Variants in OTUD5 observed in about 807,000 individuals in gnomAD.
OTUD5 encodes OTU domain-containing protein 5.
A neutral mutation model predicts 36.3 loss-of-function variants in OTUD5; 2 were observed. That is an observed-to-expected ratio of 0.06 (90% CI 0.02 to 0.17). OTUD5 has a LOEUF of 0.17. Ranked by LOEUF, OTUD5 falls within the 10% of genes least tolerant of loss-of-function variation. OTUD5 has a pLI of 1.00. For synonymous variants in OTUD5, 234 were observed against 214.9 expected (o/e 1.09, Z -0.78); for missense variants, 233 against 512.3 (o/e 0.45, Z 5.26).
rs2063987727 is a variant in OTUD5 at position 48,944,459 on chromosome X, T to C, written c.595-176A>G. 2.7e-5 allele frequency among the ~76,000 whole-genome samples: 3 copies of C among 111,477 alleles called. No individual in the cohort carries two copies. The South Asian group carries it at 1.1e-3, about 42-fold the overall frequency. On this transcript the variant is annotated intron_variant, in intron 1 of 8. Coordinates refer to ENST00000376488, the MANE Select transcript of OTUD5 (RefSeq NM_001136157.2). Reference sequence around the variant, plus strand: ...TGAAGTAGGAGACTCTTTTAGGGAATTAGTTGCTGAGTGAAACTAAGACTT... The same window carrying C: ...TGAAGTAGGAGACTCTTTTAGGGAACTAGTTGCTGAGTGAAACTAAGACTT...
chrX:48,933,382 C>T (rs782290630), intron 5 of OTUD5, among the ~76,000 whole-genome samples: 3 of 108,157 alleles, frequency 2.8e-5, no homozygotes, highest in Non-Finnish European at 3.8e-5. Flanking sequence ...TTAATCATAG[C>T]GAGGCATATG....
In OTUD5 at chrX:48,956,958, C is replaced by T; in HGVS notation, c.594+19G>A. 1 of 1,134,501 alleles carries T rather than the reference C, an allele frequency of 8.8e-7. No individual in the cohort carries two copies. The highest frequency in any genetic ancestry group is 1.2e-6 in the Non-Finnish European group (1 of 856,795). The allele number at this position is 1,134,501 out of a possible 1,213,427, so 93.5% of individuals were successfully genotyped here. ...TCCCATCTGCCGTGGCCGCTCACCC[C>T]TCACCCCACAGCTCTTACCTGCTCG... is the stretch of plus-strand genomic sequence containing the variant. On this transcript the variant is annotated intron_variant, in intron 1 of 8. Coordinates refer to ENST00000376488, the MANE Select transcript of OTUD5 (RefSeq NM_001136157.2).
chrX:48,943,683 C>T (rs2063972716), intron 2 of OTUD5, among the ~76,000 whole-genome samples: 1 of 111,590 alleles, frequency 9.0e-6, no homozygotes, highest in Non-Finnish European at 1.9e-5. Flanking sequence ...CAGAGACCCG[C>T]AACACACCAG....
intron 1 of OTUD5, among the ~76,000 whole-genome samples, chrX:48,951,440 C>T (rs1375481034): frequency 6.3e-5 from 7 of 111,559 alleles, no homozygotes; most frequent in African/African-American, 2.3e-4. Context: ...CAGTGAATCC[C>T]TGTCTCTACT....
chrX:48,942,659 T>C (rs1347374441), intron 2 of OTUD5, among the ~76,000 whole-genome samples: 3 of 107,930 alleles, frequency 2.8e-5, no homozygotes, highest in Non-Finnish European at 5.7e-5. Flanking sequence ...ATAGAGCCCA[T>C]TGCCTGAGCC....
chrX:48,925,695 C>T (rs782251179), intron 6 of OTUD5, 152 bp downstream of exon 6: 30 of 482,268 alleles, frequency 6.2e-5, no homozygotes, highest in Non-Finnish European at 9.5e-5. Flanking sequence ...GGTACAATGC[C>T]AAAACTAAGA....
chrX:48,934,680 T>C, intron 4 of OTUD5, 31 bp downstream of exon 4: 1 of 1,206,104 alleles, frequency 8.3e-7, no homozygotes, highest in South Asian at 1.8e-5. Flanking sequence ...TGAGGCACCA[T>C]CTTTCCCTCA....
rs1333458208 is a variant in OTUD5 at position 48,935,149 on chromosome X, A to G, written c.689-131T>C. The stretch of plus-strand genomic sequence containing the variant: ...CCCTTTTCTACCCCAAGGCCTGGAG[A>G]GTTCTTGCCCTTGTAGGCTAGAACG... On this transcript the variant is annotated intron_variant, in intron 2 of 8. Coordinates refer to ENST00000376488, the MANE Select transcript of OTUD5 (RefSeq NM_001136157.2). 13 of 613,264 alleles carry G rather than the reference A, an allele frequency of 2.1e-5. No individual in the cohort carries two copies. The East Asian group carries it at 4.6e-4, about 22-fold the overall frequency. 50.5% of individuals were successfully genotyped at this position (613,264 alleles called of 1,213,427 possible).
chrX:48,925,611 C>T (rs1484842468), intron 6 of OTUD5, among the ~76,000 whole-genome samples: 1 of 112,565 alleles, frequency 8.9e-6, no homozygotes, highest in Non-Finnish European at 1.9e-5. Context: ...CCATTATTCT[C>T]GTGTCACCAG....
At chrX:48,948,547 T>C (rs1293768864) in intron 1 of OTUD5, among the ~76,000 whole-genome samples, 2 of 111,248 alleles carry the variant, frequency 1.8e-5, no homozygotes, top group Admixed American at 9.6e-5. Context: ...GAGACCTGAA[T>C]AGGCCCCTCG....
intron 1 of OTUD5, among the ~76,000 whole-genome samples, chrX:48,954,945 C>T (rs1557054810): frequency 9.0e-6 from 1 of 111,461 alleles, no homozygotes; most frequent in East Asian, 2.8e-4. Flanking sequence ...TTCATATGAC[C>T]CTGAAGAGCA....
chrX:48,948,766 A>G (rs1557053035), intron 1 of OTUD5, among the ~76,000 whole-genome samples: 1 of 111,569 alleles, frequency 9.0e-6, no homozygotes, highest in Non-Finnish European at 1.9e-5. Flanking sequence ...AGATAAGTTT[A>G]AGCTCCAACA....
At chrX:48,942,084 G>T (rs1195291841) in intron 2 of OTUD5, among the ~76,000 whole-genome samples, 1 of 110,205 alleles carries the variant, frequency 9.1e-6, no homozygotes, top group Non-Finnish European at 1.9e-5. Context: ...GGGAGGAAGG[G>T]TCGGGAGTAT....
intron 1 of OTUD5, among the ~76,000 whole-genome samples, chrX:48,954,314 A>G (rs781966812): frequency 1.8e-5 from 2 of 110,733 alleles, no homozygotes; most frequent in Non-Finnish European, 3.8e-5. Flanking sequence ...AAGGGGCATA[A>G]GGAAGTGTTT....
At chrX:48,926,507 C>A (rs1387370814) in intron 5 of OTUD5, among the ~76,000 whole-genome samples, 1 of 110,792 alleles carries the variant, frequency 9.0e-6, no homozygotes, top group Non-Finnish European at 1.9e-5. Context: ...AGTGCCACCA[C>A]CCCCGGCTAA....
intron 6 of OTUD5, among the ~76,000 whole-genome samples, chrX:48,924,818 AG>A (rs1659651246): frequency 8.9e-6 from 1 of 112,042 alleles, no homozygotes; most frequent in Non-Finnish European, 1.9e-5. Flanking sequence ...TTCCATCCAT[AG>A]CACTTCCCAA....
chrX:48,935,137 C>T lies in OTUD5; in HGVS notation c.689-119G>A. The T allele has an allele frequency of 5.8e-6, 4 of 694,805 alleles. No homozygotes were observed. In the South Asian group the frequency reaches 9.9e-5, roughly 17 times the overall value. The allele number at this position is 694,805 out of a possible 1,213,427, so 57.3% of individuals were successfully genotyped here. A position where few individuals can be genotyped will look rare whatever the true frequency, so the allele number is the denominator to read the frequency against. ...ACCAGGGAAATTCCCTTTTCTACCC[C>T]AAGGCCTGGAGAGTTCTTGCCCTTG... On this transcript the variant is annotated intron_variant, in intron 2 of 8. Transcript: ENST00000376488.
intron 1 of OTUD5, among the ~76,000 whole-genome samples, chrX:48,950,044 G>A (rs1255716013): frequency 9.3e-6 from 1 of 107,911 alleles, no homozygotes; most frequent in Non-Finnish European, 1.9e-5. Context: ...AGCTACTCAG[G>A]AGGGTGAGGC....
intron 5 of OTUD5, 89 bp from the exon 6 acceptor site, chrX:48,926,139 C>A: frequency 1.4e-6 from 1 of 694,429 alleles, no homozygotes; most frequent in Admixed American, 2.7e-5. Flanking sequence ...GGCCCACAGG[C>A]CCCAGAAAAA....
Sources: allele counts gnomAD v4.1 joint callset (sites outside exome capture counted in the v4.1 genomes callset), GRCh38; gene constraint gnomAD v4.1.1; transcripts MANE v1.5; gene names NCBI Gene and HGNC (gene_info 2026-07-23, HGNC 2026-07-21).